The following FKBP5 variants were observed in gnomAD, a reference collection of about 807,000 sequenced individuals.
The protein encoded by FKBP5 is FKBP prolyl isomerase 5.
FKBP5 carries 23 observed loss-of-function variants against 50.5 expected under a neutral mutation model. The observed-to-expected ratio is 0.46, with a 90% CI of 0.33 to 0.65. The LOEUF is 0.65. Ranked by LOEUF, FKBP5 falls within the 30% of genes least tolerant of loss-of-function variation. The pLI is 0.02. For missense variants in FKBP5, 411 were observed against 553.1 expected, an observed-to-expected ratio of 0.74 and a Z score of 2.58; for synonymous variants, 176 against 190.6, an observed-to-expected ratio of 0.92 and a Z score of 0.63.
chr6:35,693,970 A>G (rs1365528407), intron 2 of FKBP5, among the ~76,000 whole-genome samples: 1 of 151,798 alleles, frequency 6.6e-6, no homozygotes, highest in Non-Finnish European at 1.5e-5. Context: ...GTTCCTGTGA[A>G]TCTGCTTCCA....
At chr6:35,600,873 T>C (rs1763125280) in intron 5 of FKBP5, among the ~76,000 whole-genome samples, 1 of 152,168 alleles carries the variant, frequency 6.6e-6, no homozygotes, top group Non-Finnish European at 1.5e-5. Context: ...TAAAATTAAA[T>C]GAGTAATTTC....
At chr6:35,621,426 T>C (rs2150978591) in intron 3 of FKBP5, among the ~76,000 whole-genome samples, 1 of 151,880 alleles carries the variant, frequency 6.6e-6, no homozygotes, top group South Asian at 2.1e-4. Flanking sequence ...AATTCAAGCC[T>C]GGCCAACATG....
At chr6:35,668,141 C>CTA (rs1765281048) in intron 1 of FKBP5, among the ~76,000 whole-genome samples, 1 of 152,198 alleles carries the variant, frequency 6.6e-6, no homozygotes, top group Non-Finnish European at 1.5e-5. Flanking sequence ...AAAGAATCCT[C>CTA]TATGGCAACA....
chr6:35,579,149 C>A (rs1302347185), intron 9 of FKBP5, among the ~76,000 whole-genome samples: 2 of 148,524 alleles, frequency 1.3e-5, no homozygotes, highest in Non-Finnish European at 2.9e-5. Context: ...AACACACACA[C>A]GCGCGCGCGC....
chr6:35,699,040 G>T (rs1160057842), intron 2 of FKBP5, among the ~76,000 whole-genome samples: 1 of 152,206 alleles, frequency 6.6e-6, no homozygotes, highest in African/African-American at 2.4e-5. Flanking sequence ...AATTTGAACA[G>T]AATTTGGCAG....
At chr6:35,585,642 A>G (rs1007734004) in intron 8 of FKBP5, 4 of 943,008 alleles carry the variant, frequency 4.2e-6, no homozygotes, top group Non-Finnish European at 5.1e-6. Context: ...AATGATAAAT[A>G]ACATATTTAT....
chr6:35,633,438 G>A (rs2150984891), intron 3 of FKBP5, among the ~76,000 whole-genome samples: 2 of 151,666 alleles, frequency 1.3e-5, no homozygotes, highest in South Asian at 4.2e-4. Context: ...AGATACTGGG[G>A]AGGCTGAGGC....
At position 35,654,938 on chromosome 6, in the gene FKBP5, G is replaced by A. The variant is rs111378536; in HGVS notation, c.-19-12095C>T. Among the ~76,000 whole-genome samples the A allele has an allele frequency of 5.6e-3, 856 of 152,284 alleles. 6 individuals carry two copies. Among genetic ancestry groups the A allele is most frequent in the Non-Finnish European group, 8.3e-3 (567 of 68,026 alleles). On this transcript the variant is annotated intron_variant, in intron 1 of 10. Transcript: ENST00000357266. Reference sequence around the variant, plus strand: ...CCAGTGCCAAGTGCCTGAACCTCCAGCAACTTTGGAGTTTGAGGTGGGAGG... The same window carrying A: ...CCAGTGCCAAGTGCCTGAACCTCCAACAACTTTGGAGTTTGAGGTGGGAGG...
At chr6:35,697,202 A>G (rs549865526) in intron 2 of FKBP5, among the ~76,000 whole-genome samples, 62 of 152,338 alleles carry the variant, frequency 4.1e-4, no homozygotes, top group Non-Finnish European at 1.6e-4. Flanking sequence ...CAATTAATGA[A>G]TAGATAAACA....
intron 8 of FKBP5, chr6:35,581,112 C>G: frequency 1.0e-6 from 1 of 961,620 alleles, no homozygotes; most frequent in Non-Finnish European, 1.2e-6. Context: ...CAGGCAGGGA[C>G]CAGATTTGGC....
At chr6:35,583,611 G>A in intron 8 of FKBP5, 1 of 966,470 alleles carries the variant, frequency 1.0e-6, no homozygotes, top group Non-Finnish European at 1.2e-6. Context: ...CAGGTCTGGA[G>A]GCATTTTTAG....
chr6:35,655,111 CAGG>C (rs1764913340), intron 1 of FKBP5, among the ~76,000 whole-genome samples: 1 of 151,994 alleles, frequency 6.6e-6, no homozygotes, highest in Admixed American at 6.6e-5. Flanking sequence ...CAGTTGAGGC[CAGG>C]AGTTCAAGAC....
intron 5 of FKBP5, among the ~76,000 whole-genome samples, chr6:35,613,458 T>C (rs944130371): frequency 6.6e-6 from 1 of 152,176 alleles, no homozygotes; most frequent in African/African-American, 2.4e-5. Flanking sequence ...TCACGTGATC[T>C]GCCCACCTCG....
intron 1 of FKBP5, among the ~76,000 whole-genome samples, chr6:35,674,311 CAAGGA>C (rs1765472165): frequency 6.6e-6 from 1 of 152,138 alleles, no homozygotes; most frequent in Non-Finnish European, 1.5e-5. Context: ...ATTTTGAAAT[CAAGGA>C]AGGTAGAAAT....
At chr6:35,597,537 A>T in intron 5 of FKBP5, 133 bp from the exon 6 acceptor site, 40 of 1,039,096 alleles carry the variant, frequency 3.8e-5, no homozygotes, top group Non-Finnish European at 4.9e-5. Flanking sequence ...AGACACACAC[A>T]GTGTGTCTTG....
chr6:35,652,773 C>T (rs6931118), intron 1 of FKBP5, among the ~76,000 whole-genome samples: 98,163 of 151,990 alleles, frequency 0.65, 31,914 homozygotes, highest in East Asian at 0.68. Context: ...AAGTACTTGA[C>T]GTCTGTCACC....
At chr6:35,604,461 T>C (rs1332833732) in intron 5 of FKBP5, among the ~76,000 whole-genome samples, 1 of 152,116 alleles carries the variant, frequency 6.6e-6, no homozygotes, top group Non-Finnish European at 1.5e-5. Context: ...TGTGAAAACA[T>C]ATAATAAAAT....
At chr6:35,581,404 G>A (rs1036352133) in intron 8 of FKBP5, 17 of 54,066 alleles carry the variant, frequency 3.1e-4, no homozygotes, top group African/African-American at 1.5e-3. Flanking sequence ...TCAGGAGTTC[G>A]AGACCAGCCT....
rs1491096319 is a variant in FKBP5 at position 35,658,694 on chromosome 6, GGA to G, written c.-19-15853_-19-15852del. Among the ~76,000 whole-genome samples, 8 of 20,738 alleles carry G rather than the reference GGA, an allele frequency of 3.9e-4. 1 individual carries two copies. The highest frequency in any genetic ancestry group is 3.4e-3 in the South Asian group (2 of 588). 13.6% of individuals were successfully genotyped at this position (20,738 alleles called of 152,430 possible). On this transcript the variant is annotated intron_variant, in intron 1 of 10. Coordinates refer to ENST00000357266, the MANE Select transcript of FKBP5 (RefSeq NM_004117.4). ...GGTTTTCAAATGTTAAACCAACCTT[GGA>G]TACCTGGAATAAACCCTATTTGGTC...
Sources: allele counts gnomAD v4.1 joint callset (sites outside exome capture counted in the v4.1 genomes callset), GRCh38; gene constraint gnomAD v4.1.1; transcripts MANE v1.5; gene names NCBI Gene and HGNC (gene_info 2026-07-23, HGNC 2026-07-21).